CHL1: variants seen among roughly 807,000 people sequenced by gnomAD.
The protein encoded by CHL1 is neural cell adhesion molecule L1-like protein.
In CHL1, 96 loss-of-function variants were observed where a neutral mutation model predicts 141.9. That is an observed-to-expected ratio of 0.68 (90% CI 0.57 to 0.80). The LOEUF is 0.80. Ranked by LOEUF, CHL1 falls within the 30% of genes least tolerant of loss-of-function variation. CHL1 has a pLI of 0.00. For synonymous variants in CHL1, 613 were observed against 502.2 expected (o/e 1.22, Z -2.95); for missense variants, 1,820 against 1,457.2 (o/e 1.25, Z -4.05).
At position 343,003 on chromosome 3, in the gene CHL1, A is replaced by G. The variant is rs548199343; in HGVS notation, c.699A>G (p.Ser233=). Residue 233 remains serine (S), a synonymous_variant, in exon 8 of 28, where the codon TCA becomes TCG. Coordinates refer to ENST00000256509, the MANE Select transcript of CHL1 (RefSeq NM_006614.4). ...TTTCAGTAAAGCATGCTAATGACTC[A>G]AGTTCATCCACAGAAATTGGTTCCA... is the stretch of plus-strand genomic sequence containing the variant. The part of the protein sequence containing the change: ...TVNSLKHAND[S]SSSTEIGSKA... 33 of 1,609,076 alleles carry G rather than the reference A, an allele frequency of 2.1e-5. No individual in the cohort carries two copies. The highest frequency in any genetic ancestry group is 5.1e-5 in the Admixed American group (3 of 58,774).
chr3:223,304 A>G (rs1168891157), intron 1 of CHL1, among the ~76,000 whole-genome samples: 1 of 152,196 alleles, frequency 6.6e-6, no homozygotes, highest in African/African-American at 2.4e-5. Context: ...TAGGAATACA[A>G]ATTTGCACTA....
intron 2 of CHL1, among the ~76,000 whole-genome samples, chr3:306,939 G>T (rs949711900): frequency 1.3e-5 from 2 of 152,096 alleles, no homozygotes; most frequent in South Asian, 4.1e-4. Context: ...TCATATTCAA[G>T]TACCAACTGT....
At chr3:350,995 C>T (rs1047871450) in intron 10 of CHL1, among the ~76,000 whole-genome samples, 7 of 152,066 alleles carry the variant, frequency 4.6e-5, no homozygotes, top group African/African-American at 7.2e-5. Flanking sequence ...CCCCTCCTCC[C>T]CTCCCTGGCA....
At chr3:323,998 G>A (rs1282655765) in intron 3 of CHL1, among the ~76,000 whole-genome samples, 3 of 152,064 alleles carry the variant, frequency 2.0e-5, no homozygotes, top group Non-Finnish European at 2.9e-5. Context: ...AAATTCATAA[G>A]TAAACATTTT....
intron 14 of CHL1, 74 bp downstream of exon 14, chr3:363,457 T>A: frequency 7.6e-7 from 1 of 1,313,222 alleles, no homozygotes; most frequent in Non-Finnish European, 1.1e-6. Context: ...CCAAATGGAA[T>A]AATACCATTT....
At chr3:283,281 A>G (rs981449761) in intron 2 of CHL1, among the ~76,000 whole-genome samples, 1 of 152,218 alleles carries the variant, frequency 6.6e-6, no homozygotes, top group Non-Finnish European at 1.5e-5. Flanking sequence ...TAATGTTTGC[A>G]TGTATCTTTT....
chr3:308,567 C>T (rs1011313113), intron 2 of CHL1: 4 of 150,734 alleles, frequency 2.7e-5, no homozygotes, highest in African/African-American at 7.3e-5. Flanking sequence ...GTCATATAAA[C>T]ATAGGGAGAT....
At chr3:312,121 C>G (rs1318967312) in intron 2 of CHL1, among the ~76,000 whole-genome samples, 2 of 152,016 alleles carry the variant, frequency 1.3e-5, no homozygotes, top group Non-Finnish European at 2.9e-5. Flanking sequence ...AGAGTTCAAC[C>G]ACAGTAATTT....
Position 391,060 on chromosome 3 carries a change from T to C in CHL1, c.2692T>C (p.Leu898=), listed in dbSNP as rs767366747. 50 of 1,613,616 alleles carry C rather than the reference T, an allele frequency of 3.1e-5. No homozygotes were observed. The highest frequency in any genetic ancestry group is 4.2e-5 in the Non-Finnish European group (49 of 1,179,606). The change falls in exon 22 of 28, where the codon TTA becomes CTA. Residue 898 remains leucine (L), a synonymous_variant. Coordinates refer to ENST00000256509, the MANE Select transcript of CHL1 (RefSeq NM_006614.4). ...GQRNSGMVPS[L]DAFSEFHLTV... ...AAGAAACTCTGGAATGGTTCCTTCCTTAGATGCCTTTAGTGAATTTCATTT... is the reference window on the plus strand; with the variant it reads ...AAGAAACTCTGGAATGGTTCCTTCCCTAGATGCCTTTAGTGAATTTCATTT...
At chr3:281,247 A>G (rs767495268) in intron 2 of CHL1, among the ~76,000 whole-genome samples, 21 of 152,194 alleles carry the variant, frequency 1.4e-4, no homozygotes, top group Non-Finnish European at 2.6e-4. Context: ...ATTGTGCAGT[A>G]TCTCATAGTT....
In CHL1 at chr3:283,353, C is replaced by A. The variant is rs142206959; in HGVS notation, c.-94-36330C>A. ...TATGTGGAGACATGATTAGATAATA[C>A]CAAGAGTATAAGTTTCCTGAGATTA... On this transcript the variant is annotated intron_variant, in intron 2 of 27. Transcript: ENST00000256509. 2.0e-3 allele frequency among the ~76,000 whole-genome samples: 310 copies of A among 152,224 alleles called. 2 individuals carry two copies. The highest frequency in any genetic ancestry group is 3.6e-3 in the Non-Finnish European group (242 of 68,012).
chr3:231,723 C>A (rs369311760), intron 1 of CHL1, among the ~76,000 whole-genome samples: 11 of 151,692 alleles, frequency 7.3e-5, no homozygotes, highest in Non-Finnish European at 2.9e-5. Flanking sequence ...ATTACAGGTG[C>A]CTGCCACCAT....
At chr3:202,449 G>C (rs779583309) in intron 1 of CHL1, among the ~76,000 whole-genome samples, 5 of 152,100 alleles carry the variant, frequency 3.3e-5, no homozygotes, top group Admixed American at 6.5e-5. Context: ...TATTTAAAAG[G>C]TTTTCGCAAT....
In CHL1 at chr3:251,676, C is replaced by G. The variant is rs138105075; in HGVS notation, c.-95+6984C>G. ...ATTTCTGTCTAGATATCATGGGAAG[C>G]CTATATCCTGGAAAGTTAGAAAAAG... On this transcript the variant is annotated intron_variant, in intron 2 of 27. Transcript: ENST00000256509. Among the ~76,000 whole-genome samples, 3 of 152,188 alleles carry G rather than the reference C, an allele frequency of 2.0e-5. No homozygotes were observed. The East Asian group carries it at 5.8e-4, about 29-fold the overall frequency.
intron 2 of CHL1, among the ~76,000 whole-genome samples, chr3:253,319 G>C (rs1465399638): frequency 6.6e-6 from 1 of 152,110 alleles, no homozygotes; most frequent in Non-Finnish European, 1.5e-5. Context: ...TGCGAGTTAG[G>C]TTGTTTAGAG....
chr3:315,347 AC>A (rs1440932382), intron 2 of CHL1, among the ~76,000 whole-genome samples: 1 of 152,128 alleles, frequency 6.6e-6, no homozygotes, highest in Non-Finnish European at 1.5e-5. Flanking sequence ...TCATCACTGC[AC>A]ATCACTTTGT....
intron 3 of CHL1, among the ~76,000 whole-genome samples, chr3:320,344 A>G (rs1005314190): frequency 3.9e-5 from 6 of 152,078 alleles, no homozygotes; most frequent in African/African-American, 1.2e-4. Flanking sequence ...AAGTAAAAGT[A>G]TAAGATGATA....
At chr3:368,956 T>A (rs1705257276) in intron 15 of CHL1, among the ~76,000 whole-genome samples, 4 of 152,334 alleles carry the variant, frequency 2.6e-5, no homozygotes, top group African/African-American at 9.6e-5. Flanking sequence ...TGTCTATATG[T>A]CTGTTTTCAT....
Position 249,917 on chromosome 3 carries a change from A to G in CHL1, c.-95+5225A>G, listed in dbSNP as rs557934822. Among the ~76,000 whole-genome samples the G allele has an allele frequency of 2.0e-5, 3 of 152,082 alleles. No homozygotes were observed. The South Asian group carries it at 6.2e-4, about 32-fold the overall frequency. On this transcript the variant is annotated intron_variant, in intron 2 of 27. Transcript: ENST00000256509. ...GTTTCTCTATTCTTCTAAAATCTGT[A>G]CCTGGGGACTGTGAATTAAACTAAC...
Sources: allele counts gnomAD v4.1 joint callset (sites outside exome capture counted in the v4.1 genomes callset), GRCh38; gene constraint gnomAD v4.1.1; transcripts MANE v1.5; gene names NCBI Gene and HGNC (gene_info 2026-07-23, HGNC 2026-07-21).